The following EML6 variants were observed in gnomAD, a reference collection of about 807,000 sequenced individuals.
The protein encoded by EML6 is EMAP like 6.
EML6 carries 154 observed loss-of-function variants against 240.1 expected under a neutral mutation model. The observed-to-expected ratio is 0.64, with a 90% CI of 0.56 to 0.73. The LOEUF is 0.73. EML6 is among the 30% of genes least tolerant of loss of function. EML6 has a pLI of 0.00. For synonymous variants in EML6, 1,148 were observed against 899.0 expected, an observed-to-expected ratio of 1.28 and a Z score of -4.95; for missense variants, 2,964 against 2,474.6, an observed-to-expected ratio of 1.20 and a Z score of -4.20.
intron 8 of EML6, among the ~76,000 whole-genome samples, chr2:54,845,351 G>T (rs1347907186): frequency 6.6e-6 from 1 of 152,062 alleles, no homozygotes; most frequent in Non-Finnish European, 1.5e-5. Context: ...ATTCAGACAC[G>T]TGTGAAACTC....
chr2:54,953,567 A>G (rs1224263334), intron 31 of EML6, among the ~76,000 whole-genome samples: 2 of 152,054 alleles, frequency 1.3e-5, no homozygotes, highest in African/African-American at 4.8e-5. Context: ...ATGCCCAATG[A>G]CTGTAACAGC....
At position 54,823,874 on chromosome 2, in the gene EML6, CTCTT is replaced by C. The variant is rs761710463; in HGVS notation, c.525+3416_525+3419del. 3.3e-3 allele frequency among the ~76,000 whole-genome samples: 480 copies of C among 143,672 alleles called. 16 individuals carry two copies. Among genetic ancestry groups the C allele is most frequent in the Middle Eastern group, 0.015 (4 of 272 alleles). 94.3% of individuals were successfully genotyped at this position (143,672 alleles called of 152,430 possible). On this transcript the variant is annotated intron_variant, in intron 5 of 41. Coordinates refer to ENST00000356458, the MANE Select transcript of EML6 (RefSeq NM_001039753.4). The stretch of plus-strand genomic sequence containing the variant: ...ATTCTCTCTCTCTCTCTCTCTCTCT[CTCTT>C]TCTGTCTCTCTCTCTCTCTCTCAGA...
At chr2:54,791,263 C>T (rs939791949) in intron 2 of EML6, among the ~76,000 whole-genome samples, 6 of 152,170 alleles carry the variant, frequency 3.9e-5, no homozygotes, top group South Asian at 2.1e-4. Flanking sequence ...GGCACAGTTA[C>T]AGTCCTGCCG....
chr2:54,964,006 C>T lies in EML6; in HGVS notation c.5178C>T (p.Ser1726=). ...TGTAGAAGCTGTTAAACAAGGTGAG[C>T]TTGGGCCATGCGGCCAGGTGTGCAG... ...LADKKLLNKV[S]LGHAARCAAY... The change falls in exon 37 of 42, where the codon AGC becomes AGT. Residue 1726 remains serine, a synonymous_variant. Coordinates refer to ENST00000356458, the MANE Select transcript of EML6 (RefSeq NM_001039753.4). The T allele has an allele frequency of 1.3e-6, 2 of 1,551,258 alleles. No individual in the cohort carries two copies. Among genetic ancestry groups the T allele is most frequent in the Non-Finnish European group, 1.7e-6 (2 of 1,146,810 alleles).
chr2:54,914,319 C>G (rs1159729114), intron 25 of EML6, among the ~76,000 whole-genome samples: 1 of 152,132 alleles, frequency 6.6e-6, no homozygotes, highest in African/African-American at 2.4e-5. Context: ...ATGGCCTACA[C>G]CATGAAGCCT....
At chr2:54,918,199 A>G (rs1394642303) in intron 26 of EML6, among the ~76,000 whole-genome samples, 1 of 152,090 alleles carries the variant, frequency 6.6e-6, no homozygotes, top group Non-Finnish European at 1.5e-5. Flanking sequence ...TTGTCAGAGC[A>G]TTTTCTCTCC....
intron 32 of EML6, 70 bp from the exon 33 acceptor site, chr2:54,957,720 T>C (rs1367696171): frequency 7.0e-7 from 1 of 1,429,770 alleles, no homozygotes; most frequent in Non-Finnish European, 9.6e-7. Flanking sequence ...GGAGACCTCC[T>C]GGGCTGCGGC....
At position 54,731,768 on chromosome 2, in the gene EML6, A is replaced by C. The variant is rs1385193204; in HGVS notation, c.197+6510A>C. ...CCCATCAATCAGTCATTTGGATGAC[A>C]CTGTGATAGGTGAAAAACTGTTCAC... On this transcript the variant is annotated intron_variant, in intron 2 of 41. Coordinates refer to ENST00000356458, the MANE Select transcript of EML6 (RefSeq NM_001039753.4). Among the ~76,000 whole-genome samples, 3 of 152,326 alleles carry C rather than the reference A, an allele frequency of 2.0e-5. No homozygotes were observed. In the East Asian group the frequency reaches 5.8e-4, roughly 29 times the overall value.
At position 54,938,111 on chromosome 2, in the gene EML6, C is replaced by T. The variant is rs534120740; in HGVS notation, c.4004+9360C>T. On this transcript the variant is annotated intron_variant, in intron 28 of 41. Transcript: ENST00000356458. ...CTGTAATCCTAGCACATTGGGAGGC[C>T]GAGGCGGGCAGATCACCTGAGGTCA... is the stretch of plus-strand genomic sequence containing the variant. Among the ~76,000 whole-genome samples the T allele has an allele frequency of 4.6e-4, 70 of 152,226 alleles. 1 individual carries two copies. The South Asian group carries it at 5.4e-3, about 12-fold the overall frequency.
intron 2 of EML6, among the ~76,000 whole-genome samples, chr2:54,779,067 G>A (rs939930745): frequency 3.3e-5 from 5 of 152,108 alleles, no homozygotes; most frequent in Non-Finnish European, 7.4e-5. Context: ...TAACTGTAGA[G>A]TATTAATGAA....
intron 2 of EML6, among the ~76,000 whole-genome samples, chr2:54,780,375 G>T (rs1285712652): frequency 6.6e-6 from 1 of 152,156 alleles, no homozygotes; most frequent in African/African-American, 2.4e-5. Context: ...CAAAAATGAC[G>T]TTTGTAGCTT....
chr2:54,848,007 A>C (rs1172852628), intron 9 of EML6, among the ~76,000 whole-genome samples: 11 of 152,224 alleles, frequency 7.2e-5, no homozygotes, highest in African/African-American at 2.7e-4. Flanking sequence ...CTAATGAATA[A>C]TGAATTCCCA....
rs996335784 is a variant in EML6, at chr2:54,797,180, A to C, written c.198-16052A>C. Among the ~76,000 whole-genome samples, 2 of 147,074 alleles carry C rather than the reference A, an allele frequency of 1.4e-5. 1 individual carries two copies. Among genetic ancestry groups the C allele is most frequent in the Non-Finnish European group, 3.0e-5 (2 of 66,008 alleles). ...ACTCCATCTCAAAAAAAAAAAAAAA[A>C]AAAAAAAAACTGTGATCTTGTAGGT... On this transcript the variant is annotated intron_variant, in intron 2 of 41. Transcript: ENST00000356458.
intron 21 of EML6, among the ~76,000 whole-genome samples, chr2:54,898,000 G>A (rs955045119): frequency 1.3e-5 from 2 of 152,240 alleles, no homozygotes; most frequent in African/African-American, 2.4e-5. Context: ...TTGGTGGCAC[G>A]GCAATCCAAT....
intron 2 of EML6, among the ~76,000 whole-genome samples, chr2:54,785,153 AC>A (rs1313939045): frequency 4.1e-5 from 5 of 122,626 alleles, no homozygotes; most frequent in South Asian, 5.2e-4. Context: ...AGAGATTTCC[AC>A]CCCCCCACAC....
At chr2:54,876,811 C>A (rs936481368) in intron 16 of EML6, among the ~76,000 whole-genome samples, 1 of 152,184 alleles carries the variant, frequency 6.6e-6, no homozygotes, top group Admixed American at 6.5e-5. Flanking sequence ...CATCCATCAC[C>A]TCAAACATTT....
intron 16 of EML6, among the ~76,000 whole-genome samples, chr2:54,874,837 AC>A (rs1277148367): frequency 6.6e-6 from 1 of 152,156 alleles, no homozygotes; most frequent in Non-Finnish European, 1.5e-5. Context: ...CCTTGCAACC[AC>A]TTTATAGGCT....
At chr2:54,824,485 A>C (rs1387034119) in intron 5 of EML6, among the ~76,000 whole-genome samples, 1 of 152,024 alleles carries the variant, frequency 6.6e-6, no homozygotes. Flanking sequence ...TCCCCAGAAA[A>C]CCTACCTTAA....
chr2:54,753,618 G>A (rs1352792607), intron 2 of EML6, among the ~76,000 whole-genome samples: 1 of 151,620 alleles, frequency 6.6e-6, no homozygotes, highest in African/African-American at 2.4e-5. Flanking sequence ...GAGGAACAGA[G>A]TCTCCCAGTC....
Sources: allele counts gnomAD v4.1 joint callset (sites outside exome capture counted in the v4.1 genomes callset), GRCh38; gene constraint gnomAD v4.1.1; transcripts MANE v1.5; gene names NCBI Gene and HGNC (gene_info 2026-07-23, HGNC 2026-07-21).